The following EEIG2 variants were observed in gnomAD, a reference collection of about 807,000 sequenced individuals.
EEIG2 encodes family with sequence similarity 102 member B.
At chr1:108,610,248 C>T in the EEIG2 span, among the ~76,000 whole-genome samples, 4 of 152,096 alleles carry the variant, frequency 2.6e-5, no homozygotes, top group Admixed American at 2.6e-4. Flanking sequence ...TTTTAGAATG[C>T]ACAAGAGCAG....
the EEIG2 span, among the ~76,000 whole-genome samples, chr1:108,612,654 A>G: frequency 6.6e-6 from 1 of 152,250 alleles, no homozygotes; most frequent in Non-Finnish European, 1.5e-5. Context: ...ATAGGTACAT[A>G]GAAGCCACTG....
the EEIG2 span, among the ~76,000 whole-genome samples, chr1:108,562,115 C>T: frequency 6.6e-6 from 1 of 152,130 alleles, no homozygotes; most frequent in African/African-American, 2.4e-5. Flanking sequence ...GTAGGGGTTC[C>T]ATTTCGTAGA....
chr1:108,561,907 C>G, the EEIG2 span, among the ~76,000 whole-genome samples: 2 of 152,200 alleles, frequency 1.3e-5, no homozygotes, highest in Non-Finnish European at 2.9e-5. Flanking sequence ...GGCAGTTAGA[C>G]TGGCGCTCCT....
At chr1:108,635,926 C>A in the EEIG2 span, 1 of 152,188 alleles carries the variant, frequency 6.6e-6, no homozygotes, top group Non-Finnish European at 1.5e-5. Context: ...GAAGAGCTAT[C>A]TTAACTCATT....
chr1:108,598,334 C>CA, the EEIG2 span, among the ~76,000 whole-genome samples: 279 of 91,852 alleles, frequency 3.0e-3, 1 homozygote, highest in African/African-American at 0.01. Context: ...ACCCTGTATC[C>CA]AAAAAAAAAA....
the EEIG2 span, among the ~76,000 whole-genome samples, chr1:108,632,973 C>T: frequency 8.0e-6 from 1 of 125,652 alleles, no homozygotes; most frequent in East Asian, 2.4e-4. Flanking sequence ...TTTATAGAGA[C>T]AGAGTCTCAC....
At chr1:108,631,054 T>G in the EEIG2 span, 1 of 290,004 alleles carries the variant, frequency 3.4e-6, no homozygotes, top group Admixed American at 4.1e-5. Context: ...GAGAGAGACA[T>G]ATAAAGCTAC....
chr1:108,622,455 T>C, the EEIG2 span, among the ~76,000 whole-genome samples: 2 of 152,198 alleles, frequency 1.3e-5, no homozygotes, highest in African/African-American at 2.4e-5. Context: ...GGAAAAATAC[T>C]AAATGAGGAT....
At chr1:108,635,866 A>T in the EEIG2 span, 60 of 152,260 alleles carry the variant, frequency 3.9e-4, no homozygotes, top group African/African-American at 1.4e-3. Context: ...CAAGCACTAC[A>T]TAAAAGACTC....
the EEIG2 span, chr1:108,628,562 A>G: frequency 6.2e-7 from 1 of 1,609,628 alleles, no homozygotes; most frequent in Non-Finnish European, 8.5e-7. Context: ...TAAAGAAGAT[A>G]CAGCTTCAGA....
the EEIG2 span, among the ~76,000 whole-genome samples, chr1:108,613,752 C>T: frequency 1.3e-5 from 2 of 152,090 alleles, no homozygotes; most frequent in African/African-American, 2.4e-5. Context: ...CTCTATATCT[C>T]TTCTCAGGTC....
chr1:108,629,494 A>C, the EEIG2 span: 2 of 911,284 alleles, frequency 2.2e-6, no homozygotes, highest in East Asian at 5.5e-5. Context: ...TTCTCTAATA[A>C]ACAATTGTAA....
the EEIG2 span, chr1:108,612,355 T>C: frequency 9.2e-7 from 1 of 1,087,842 alleles, no homozygotes; most frequent in Non-Finnish European, 1.4e-6. Context: ...AATAAGCGTA[T>C]GTATATATTG....
the EEIG2 span, among the ~76,000 whole-genome samples, chr1:108,566,788 C>T: frequency 6.6e-6 from 1 of 151,664 alleles, no homozygotes; most frequent in Non-Finnish European, 1.5e-5. Flanking sequence ...CACAGAAAGG[C>T]AAATACTGCA....
chr1:108,612,945 T>C, the EEIG2 span, among the ~76,000 whole-genome samples: 1 of 152,250 alleles, frequency 6.6e-6, no homozygotes, highest in Non-Finnish European at 1.5e-5. Context: ...GAGTAAAAAC[T>C]GGTGTTCAAA....
the EEIG2 span, among the ~76,000 whole-genome samples, chr1:108,594,424 G>T: frequency 2.0e-5 from 3 of 152,168 alleles, no homozygotes; most frequent in Non-Finnish European, 4.4e-5. Context: ...ACTGGGAGGT[G>T]AGGAGATGGA....
At chr1:108,591,914 GACAA>G in the EEIG2 span, among the ~76,000 whole-genome samples, 5 of 152,112 alleles carry the variant, frequency 3.3e-5, no homozygotes, top group Non-Finnish European at 7.4e-5. Flanking sequence ...AAATGGGAAT[GACAA>G]ACAATATAAG....
the EEIG2 span, among the ~76,000 whole-genome samples, chr1:108,594,514 A>C: frequency 6.6e-6 from 1 of 152,126 alleles, no homozygotes; most frequent in African/African-American, 2.4e-5. Context: ...AAGTCACATA[A>C]TTTCTGTGTA....
chr1:108,609,862 A>T, the EEIG2 span, among the ~76,000 whole-genome samples: 3 of 152,184 alleles, frequency 2.0e-5, no homozygotes, highest in South Asian at 6.2e-4. Context: ...AATGTTGATC[A>T]CGTGGACACA....
Sources: allele counts gnomAD v4.1 joint callset (sites outside exome capture counted in the v4.1 genomes callset), GRCh38; gene constraint gnomAD v4.1.1; transcripts MANE v1.5; gene names NCBI Gene and HGNC (gene_info 2026-07-23, HGNC 2026-07-21).